Variants in ALPL observed in about 807,000 individuals in gnomAD.
ALPL encodes alkaline phosphatase, tissue-nonspecific isozyme.
Under a neutral mutation model 51.3 loss-of-function variants are expected in ALPL, and 42 were observed. The observed-to-expected ratio is 0.82, with a 90% confidence interval of 0.64 to 1.06. ALPL has a LOEUF of 1.06. Among genes scored for constraint, ALPL ranks in the 50% least tolerant of loss-of-function variants. The pLI, the probability that ALPL is intolerant of heterozygous loss-of-function variation, is 0.00. For synonymous variants in ALPL, 279 were observed against 296.4 expected, an observed-to-expected ratio of 0.94 and a Z score of 0.60; for missense variants, 589 against 709.4, an observed-to-expected ratio of 0.83 and a Z score of 1.93.
rs575945958 is a variant in ALPL at position 21,523,742 on chromosome 1, C to T, written c.-105+14225C>T. Among the ~76,000 whole-genome samples the T allele has an allele frequency of 6.6e-5, 10 of 152,268 alleles. No individual in the cohort carries two copies. In the East Asian group the frequency reaches 1.9e-3, roughly 29 times the overall value. On this transcript the variant is annotated intron_variant, in intron 1 of 11. Transcript: ENST00000374840. ...CCACCCTCCAACATGGGGAGGCCTGCAACAGCTCTGGGGCAGAAGGAGGCT... is the reference window on the plus strand; with the variant it reads ...CCACCCTCCAACATGGGGAGGCCTGTAACAGCTCTGGGGCAGAAGGAGGCT...
Position 21,577,765 on chromosome 1 carries a change from G to A in ALPL, c.*117G>A. ...CCTCAGCCTCTGCAACTGCAAGAAA[G>A]GGGACCCAAGAAACCAAAGTCTGCC... On this transcript the variant is annotated 3_prime_UTR_variant, in exon 12 of 12. Transcript: ENST00000374840. The A allele has an allele frequency of 7.3e-7, 1 of 1,375,940 alleles. No homozygotes were observed. Among genetic ancestry groups the A allele is most frequent in the Non-Finnish European group, 9.7e-7 (1 of 1,026,258 alleles). The allele number at this position is 1,375,940 out of a possible 1,614,324, so 85.2% of individuals were successfully genotyped here.
chr1:21,522,069 T>A (rs1050740783), intron 1 of ALPL, among the ~76,000 whole-genome samples: 10 of 146,466 alleles, frequency 6.8e-5, no homozygotes, highest in Non-Finnish European at 1.5e-4. Flanking sequence ...AATACATATG[T>A]CCATTTTTTT....
chr1:21,528,566 G>T (rs1643984473), intron 1 of ALPL, among the ~76,000 whole-genome samples: 1 of 151,282 alleles, frequency 6.6e-6, no homozygotes, highest in Non-Finnish European at 1.5e-5. Flanking sequence ...TGGCCAGACT[G>T]GTCTCGGACT....
At chr1:21,559,504 G>A (rs1644455922) in intron 2 of ALPL, among the ~76,000 whole-genome samples, 1 of 152,148 alleles carries the variant, frequency 6.6e-6, no homozygotes, top group South Asian at 2.1e-4. Flanking sequence ...GCTAGTACTT[G>A]GAGCAGCTGG....
At chr1:21,527,808 C>A (rs1333351219) in intron 1 of ALPL, among the ~76,000 whole-genome samples, 3 of 152,090 alleles carry the variant, frequency 2.0e-5, no homozygotes, top group Non-Finnish European at 1.5e-5. Flanking sequence ...CCTCGGCCTC[C>A]CAAAGTGCTA....
chr1:21,559,804 G>A (rs1570266936), intron 2 of ALPL, among the ~76,000 whole-genome samples: 1 of 152,342 alleles, frequency 6.6e-6, no homozygotes, highest in East Asian at 1.9e-4. Context: ...ACAGGCATGA[G>A]CCACCATGCC....
intron 1 of ALPL, among the ~76,000 whole-genome samples, chr1:21,536,181 G>A (rs185128674): frequency 1.1e-3 from 166 of 152,312 alleles, no homozygotes; most frequent in African/African-American, 3.8e-3. Context: ...GACAAGTCCA[G>A]CCCCAAAACT....
chr1:21,563,094 C>T lies in ALPL; in HGVS notation c.298-16C>T. On this transcript the variant is annotated splice_polypyrimidine_tract_variant and intron_variant, in intron 4 of 11. Coordinates refer to ENST00000374840, the MANE Select transcript of ALPL (RefSeq NM_000478.6). ...GAAGGCCTGGCCATCTCCTGACCCT[C>T]CTCTCCCACCTGCAGACGTACAACA... The T allele has an allele frequency of 6.2e-7, 1 of 1,613,430 alleles. No individual in the cohort carries two copies. The highest frequency in any genetic ancestry group is 1.1e-5 in the South Asian group (1 of 91,082).
chr1:21,542,596 C>T (rs1223184874), intron 1 of ALPL, among the ~76,000 whole-genome samples: 1 of 152,178 alleles, frequency 6.6e-6, no homozygotes, highest in East Asian at 1.9e-4. Flanking sequence ...AATCCCGGTG[C>T]TTTGGGAGGC....
rs139529329 is a variant in ALPL, at chr1:21,522,695, C to T, written c.-105+13178C>T. Among the ~76,000 whole-genome samples, 240 of 152,218 alleles carry T rather than the reference C, an allele frequency of 1.6e-3. 1 individual carries two copies. The highest frequency in any genetic ancestry group is 5.3e-3 in the African/African-American group (220 of 41,530). On this transcript the variant is annotated intron_variant, in intron 1 of 11. Transcript: ENST00000374840. ...GACTATAAAATGCCTCATCCAGTGTCGGGCACACAATAGGTCTTCTGATCA... is the reference window on the plus strand; with the variant it reads ...GACTATAAAATGCCTCATCCAGTGTTGGGCACACAATAGGTCTTCTGATCA...
Position 21,563,221 on chromosome 1 carries a change from TC to T in ALPL, c.412del (p.Arg138GlyfsTer27), listed in dbSNP as rs1312528958. On this transcript the variant is annotated frameshift_variant, in exon 5 of 12. Transcript: ENST00000374840. LOFTEE classifies it high-confidence loss of function. ...GGGGGTAAGCGCAGCCACTGAGCGT[TC>T]CCGGTGCAACACCACCCAGGGGAAC... The part of the protein sequence containing the change: ...TVGVSAATER[S>X]RCNTTQGNEV... 1 of 1,613,750 alleles carries T rather than the reference TC, an allele frequency of 6.2e-7. No homozygotes were observed. The highest frequency in any genetic ancestry group is 2.2e-5 in the East Asian group (1 of 44,886).
intron 1 of ALPL, among the ~76,000 whole-genome samples, chr1:21,530,318 G>A (rs1356524135): frequency 6.6e-6 from 1 of 152,070 alleles, no homozygotes; most frequent in Non-Finnish European, 1.5e-5. Flanking sequence ...TGATTCCAGC[G>A]GTATCTCTAA....
chr1:21,576,472 T>C (rs780457944), intron 10 of ALPL, 50 bp from the exon 11 acceptor site: 4 of 1,605,502 alleles, frequency 2.5e-6, no homozygotes, highest in South Asian at 1.1e-5. Flanking sequence ...GGCTGGGGAC[T>C]GTACTCCTGG....
intron 11 of ALPL, 145 bp from the exon 12 acceptor site, chr1:21,577,238 C>T (rs1644749670): frequency 1.5e-6 from 2 of 1,329,614 alleles, no homozygotes; most frequent in East Asian, 2.3e-5. Context: ...TGGCCTTAGG[C>T]AAAATGACTT....
At position 21,566,129 on chromosome 1, in the gene ALPL, G is replaced by A. The variant is rs59587367; in HGVS notation, c.648+1913G>A. 8.6e-3 allele frequency among the ~76,000 whole-genome samples: 1,304 copies of A among 152,050 alleles called. 19 individuals are homozygous for A. The highest frequency in any genetic ancestry group is 0.03 in the African/African-American group (1,226 of 41,504). On this transcript the variant is annotated intron_variant, in intron 6 of 11. Transcript: ENST00000374840. ...CCTGAGCTCCTGGCTGCAGCTGAGAGCAAGGACTCTGCCTCTCTGAACCAC... is the reference window on the plus strand; with the variant it reads ...CCTGAGCTCCTGGCTGCAGCTGAGAACAAGGACTCTGCCTCTCTGAACCAC...
intron 2 of ALPL, among the ~76,000 whole-genome samples, chr1:21,560,311 G>C (rs929690601): frequency 7.9e-5 from 12 of 152,222 alleles, no homozygotes; most frequent in Non-Finnish European, 8.8e-5. Flanking sequence ...AATGAGCATG[G>C]GCTTTGGAGC....
intron 1 of ALPL, among the ~76,000 whole-genome samples, chr1:21,522,028 G>A (rs1643887454): frequency 1.3e-5 from 2 of 151,710 alleles, no homozygotes; most frequent in South Asian, 4.2e-4. Flanking sequence ...TTCATGTGTC[G>A]ACTCCGTGAG....
chr1:21,520,009 C>T (rs763200039), intron 1 of ALPL, among the ~76,000 whole-genome samples: 38 of 152,158 alleles, frequency 2.5e-4, no homozygotes, highest in Non-Finnish European at 1.3e-4. Flanking sequence ...CCCCCCGCAT[C>T]CCACCCAGAT....
chr1:21,565,771 C>G (rs1644555361), intron 6 of ALPL, among the ~76,000 whole-genome samples: 1 of 151,384 alleles, frequency 6.6e-6, no homozygotes, highest in South Asian at 2.1e-4. Flanking sequence ...TCCCAGTCCC[C>G]AGACTGTACA....
Sources: gnomAD v4.1 joint callset for allele counts (sites outside exome capture counted in the v4.1 genomes callset) on GRCh38, gnomAD v4.1.1 for gene constraint, MANE v1.5 for transcripts, NCBI Gene and HGNC (gene_info 2026-07-23, HGNC 2026-07-21) for gene names.